Variants in SSH1 observed in about 807,000 individuals in gnomAD.
The protein encoded by SSH1 is protein phosphatase Slingshot homolog 1.
In SSH1, 43 loss-of-function variants were observed where a neutral mutation model predicts 79.7. That is an observed-to-expected ratio of 0.54 (90% CI 0.42 to 0.70). The LOEUF (loss-of-function observed/expected upper bound fraction) is 0.70, where lower values mean the gene tolerates loss of function less well. SSH1 is among the 30% of genes least tolerant of loss of function. The pLI, the probability that SSH1 is intolerant of heterozygous loss-of-function variation, is 0.00. For missense variants in SSH1, 1,206 were observed against 1,358.8 expected (o/e 0.89, Z 1.77); for synonymous variants, 599 against 538.3 (o/e 1.11, Z -1.56).
At chr12:108,816,962 G>A (rs946525180) in intron 5 of SSH1, 76 bp downstream of exon 5, 4 of 1,602,606 alleles carry the variant, frequency 2.5e-6, no homozygotes, top group Non-Finnish European at 3.4e-6. Context: ...TGATGGATAT[G>A]GGACCATGGA....
In SSH1 at chr12:108,806,414, A is replaced by G. The variant is rs1008588910; in HGVS notation, c.732-20T>C. On this transcript the variant is annotated intron_variant, in intron 8 of 14. Transcript: ENST00000326495. ...GTGGGCCTGGAAAGAAATGACGTTT[A>G]GGAGAGCAAGGAGCTGTAGAAAGCT... 39 of 1,607,636 alleles carry G rather than the reference A, an allele frequency of 2.4e-5. No homozygotes were observed. The highest frequency in any genetic ancestry group is 3.2e-5 in the Non-Finnish European group (38 of 1,174,206).
In SSH1 at chr12:108,781,057, A is replaced by C. The variant is rs929979148; in HGVS notation, c.*6931T>G. 6.6e-6 allele frequency: 1 copy of C among 151,640 alleles called. No individual in the cohort carries two copies. The highest frequency in any genetic ancestry group is 1.5e-5 in the Non-Finnish European group (1 of 68,006). The allele number at this position is 151,640 out of a possible 1,614,324, so 9.4% of individuals were successfully genotyped here. On this transcript the variant is annotated 3_prime_UTR_variant, in exon 15 of 15. Coordinates refer to ENST00000326495, the MANE Select transcript of SSH1 (RefSeq NM_018984.4). ...CCATCTCAAAAGAAAAAAAAAAAAG[A>C]AGCATCCCACTAAACTTTTAATATT...
intron 10 of SSH1, among the ~76,000 whole-genome samples, chr12:108,804,826 C>T (rs1428183791): frequency 1.3e-5 from 2 of 152,166 alleles, no homozygotes; most frequent in Admixed American, 6.5e-5. Flanking sequence ...CCAAACAACT[C>T]CCCGCAGCTC....
At chr12:108,802,932 A>G (rs937326207) in intron 10 of SSH1, among the ~76,000 whole-genome samples, 1 of 152,188 alleles carries the variant, frequency 6.6e-6, no homozygotes, top group Non-Finnish European at 1.5e-5. Context: ...AGTGGAAACC[A>G]CCCAAACGTC....
At chr12:108,806,866 A>G (rs918912418) in intron 8 of SSH1, among the ~76,000 whole-genome samples, 3 of 152,150 alleles carry the variant, frequency 2.0e-5, no homozygotes, top group Non-Finnish European at 4.4e-5. Context: ...GACCAGGATA[A>G]TCCTTCTTCC....
intron 12 of SSH1, among the ~76,000 whole-genome samples, chr12:108,799,633 G>C (rs1423461665): frequency 1.3e-5 from 2 of 152,224 alleles, no homozygotes; most frequent in Non-Finnish European, 2.9e-5. Flanking sequence ...TGGAGACAGT[G>C]AATGAGTTAC....
chr12:108,810,147 C>T (rs1307102904), intron 6 of SSH1, among the ~76,000 whole-genome samples: 5 of 151,500 alleles, frequency 3.3e-5, no homozygotes, highest in Admixed American at 6.6e-5. Flanking sequence ...TAGGATTGCA[C>T]GGAAAATAAT....
intron 7 of SSH1, 87 bp downstream of exon 7, chr12:108,809,606 G>A: frequency 8.8e-7 from 1 of 1,137,812 alleles, no homozygotes; most frequent in East Asian, 2.3e-5. Context: ...TACGTAACGA[G>A]CTTCTTGGTA....
Position 108,781,230 on chromosome 12 carries a change from G to A in SSH1, c.*6758C>T, listed in dbSNP as rs2136926819. On this transcript the variant is annotated 3_prime_UTR_variant, in exon 15 of 15. Coordinates refer to ENST00000326495, the MANE Select transcript of SSH1 (RefSeq NM_018984.4). Reference sequence around the variant, plus strand: ...AACCAGGAGTTCAAGACCAGTCTGGGCAACATAGTGAGACCCTATCTTTTA... The same window carrying A: ...AACCAGGAGTTCAAGACCAGTCTGGACAACATAGTGAGACCCTATCTTTTA... 1 of 152,030 alleles carries A rather than the reference G, an allele frequency of 6.6e-6. No homozygotes were observed. Among genetic ancestry groups the A allele is most frequent in the Admixed American group, 6.6e-5 (1 of 15,256 alleles). The allele number at this position is 152,030 out of a possible 1,614,324, so 9.4% of individuals were successfully genotyped here.
intron 2 of SSH1, among the ~76,000 whole-genome samples, chr12:108,826,570 T>C (rs1481167387): frequency 6.6e-6 from 1 of 151,496 alleles, no homozygotes; most frequent in Non-Finnish European, 1.5e-5. Context: ...CCGCAGAGCA[T>C]GGTCAGTCAC....
At chr12:108,789,980 G>T (rs374580390) in intron 14 of SSH1, among the ~76,000 whole-genome samples, 1 of 151,276 alleles carries the variant, frequency 6.6e-6, no homozygotes, top group African/African-American at 2.4e-5. Context: ...AGGTGTGAGC[G>T]ACTACACCCC....
chr12:108,814,283 T>C (rs1218986467), intron 5 of SSH1, among the ~76,000 whole-genome samples: 1 of 151,708 alleles, frequency 6.6e-6, no homozygotes, highest in South Asian at 2.1e-4. Flanking sequence ...GCCATTCCAA[T>C]GCTGCCTTCT....
chr12:108,811,184 A>G, intron 6 of SSH1, 76 bp downstream of exon 6: 3 of 1,339,146 alleles, frequency 2.2e-6, no homozygotes, highest in Non-Finnish European at 2.2e-6. Context: ...ATGATCATCC[A>G]AGGATGCCTG....
chr12:108,802,216 G>T, intron 11 of SSH1, 106 bp downstream of exon 11: 1 of 968,736 alleles, frequency 1.0e-6, no homozygotes, highest in Non-Finnish European at 1.6e-6. Flanking sequence ...AGACCAGGGT[G>T]CAGGCAATTA....
At chr12:108,821,216 T>TAC (rs34074449) in intron 3 of SSH1, among the ~76,000 whole-genome samples, 8,030 of 147,632 alleles carry the variant, frequency 0.054, 252 homozygotes, top group African/African-American at 0.1. Flanking sequence ...AGACCTCATC[T>TAC]ACACACACAC....
intron 2 of SSH1, among the ~76,000 whole-genome samples, chr12:108,836,452 A>G (rs1301687028): frequency 1.3e-5 from 2 of 152,328 alleles, no homozygotes; most frequent in Non-Finnish European, 2.9e-5. Context: ...GTTGCCAGAA[A>G]GCAAGAAAGC....
chr12:108,802,433 T>C, intron 10 of SSH1, 65 bp from the exon 11 acceptor site: 2 of 1,493,728 alleles, frequency 1.3e-6, no homozygotes, highest in South Asian at 2.3e-5. Flanking sequence ...GCTCAGGGGA[T>C]GCATGGTTTG....
intron 10 of SSH1, 82 bp downstream of exon 10, chr12:108,804,974 C>G: frequency 6.4e-7 from 1 of 1,563,796 alleles, no homozygotes. Context: ...GCTTTTTCTC[C>G]CGGACTTGCT....
At chr12:108,800,678 C>T in intron 12 of SSH1, 102 bp downstream of exon 12, 1 of 1,462,574 alleles carries the variant, frequency 6.8e-7, no homozygotes, top group East Asian at 2.3e-5. Flanking sequence ...TAGGATCCCC[C>T]CTCCCACCAG....
Sources: allele counts gnomAD v4.1 joint callset (sites outside exome capture counted in the v4.1 genomes callset), GRCh38; gene constraint gnomAD v4.1.1; transcripts MANE v1.5; gene names NCBI Gene and HGNC (gene_info 2026-07-23, HGNC 2026-07-21).